The following LGALS8 variants were observed in gnomAD, a reference collection of about 807,000 sequenced individuals.
The protein encoded by LGALS8 is galectin 8.
Under a neutral mutation model 35.9 loss-of-function variants are expected in LGALS8, and 30 were observed. The ratio of observed to expected loss-of-function variants is 0.83; its 90% CI spans 0.62 to 1.13. LGALS8 has a LOEUF of 1.13. LGALS8 is among the 50% of genes most tolerant of loss of function. LGALS8 has a pLI of 0.00. For missense variants in LGALS8, 366 were observed against 388.7 expected, an observed-to-expected ratio of 0.94 and a Z score of 0.49; for synonymous variants, 138 against 136.1, an observed-to-expected ratio of 1.01 and a Z score of -0.10.
intron 3 of LGALS8, among the ~76,000 whole-genome samples, chr1:236,537,875 ATTGT>A (rs1453073214): frequency 2.7e-5 from 4 of 150,120 alleles, no homozygotes; most frequent in African/African-American, 9.8e-5. Context: ...AGGCAGGAGG[ATTGT>A]TTGAGGCCAG....
chr1:236,523,507 C>T (rs1427585539), upstream of LGALS8: 1 of 155,986 alleles, frequency 6.4e-6, no homozygotes, highest in Non-Finnish European at 1.4e-5. Context: ...ACCTGGGCGC[C>T]CCGGGAAGGC....
chr1:236,520,711 C>T (rs1042384232), upstream of LGALS8, among the ~76,000 whole-genome samples: 6 of 152,150 alleles, frequency 3.9e-5, no homozygotes, highest in African/African-American at 1.4e-4. Context: ...CATTTATTGG[C>T]GTTGTCTTAT....
intron 2 of LGALS8, among the ~76,000 whole-genome samples, chr1:236,530,920 T>TA (rs1661106139): frequency 6.6e-6 from 1 of 152,236 alleles, no homozygotes; most frequent in African/African-American, 2.4e-5. Context: ...AATCACTTTT[T>TA]ACTGGTTTTT....
intron 4 of LGALS8, among the ~76,000 whole-genome samples, chr1:236,539,858 TAC>T (rs764987698): frequency 1.5e-3 from 233 of 152,352 alleles, no homozygotes; most frequent in Middle Eastern, 3.4e-3. Flanking sequence ...GCTTTGGCTT[TAC>T]GTGTTTATTT....
At position 236,549,803 on chromosome 1, in the gene LGALS8, A is replaced by G. The variant is rs1457088407; in HGVS notation, c.*1642A>G. On this transcript the variant is annotated 3_prime_UTR_variant, in exon 10 of 10. Transcript: ENST00000366584. The stretch of plus-strand genomic sequence containing the variant: ...ATCATTCCTTGTAAGTCTTAAGTTC[A>G]TTTTCATTTTACGTGGAGGAAAAAA... 1 of 152,166 alleles carries G rather than the reference A, an allele frequency of 6.6e-6. No homozygotes were observed. Among genetic ancestry groups the G allele is most frequent in the East Asian group, 1.9e-4 (1 of 5,200 alleles). 9.4% of individuals were successfully genotyped at this position (152,166 alleles called of 1,614,324 possible). A position where few individuals can be genotyped will look rare whatever the true frequency, so the allele number is the denominator to read the frequency against.
upstream of LGALS8, among the ~76,000 whole-genome samples, chr1:236,522,225 G>A (rs972687699): frequency 1.3e-5 from 2 of 152,100 alleles, no homozygotes; most frequent in Non-Finnish European, 2.9e-5. Flanking sequence ...ACTCAGCCCC[G>A]TTTGCACCTA....
Position 236,547,990 on chromosome 1 carries a change from GGCA to G in LGALS8, c.805-21_805-19del, listed in dbSNP as rs1408378404. ...TTTTAAACTAAGGGGAACCACTAATGGCATGTATCCTTTCCTTTCAGATGATAA... is the reference window on the plus strand; with the variant it reads ...TTTTAAACTAAGGGGAACCACTAATGTGTATCCTTTCCTTTCAGATGATAA... On this transcript the variant is annotated intron_variant, in intron 9 of 9. Transcript: ENST00000366584. 6.3e-7 allele frequency: 1 copy of G among 1,599,294 alleles called. No homozygotes were observed. Among genetic ancestry groups the G allele is most frequent in the Non-Finnish European group, 8.6e-7 (1 of 1,168,032 alleles).
chr1:236,541,997 T>A (rs971400885), intron 6 of LGALS8, among the ~76,000 whole-genome samples: 6 of 152,196 alleles, frequency 3.9e-5, no homozygotes, highest in African/African-American at 1.4e-4. Context: ...ATATTGAACA[T>A]CAGCCAGTGC....
intron 3 of LGALS8, 28 bp downstream of exon 3, chr1:236,537,613 C>A: frequency 1.4e-6 from 2 of 1,427,504 alleles, no homozygotes; most frequent in Non-Finnish European, 2.0e-6. Flanking sequence ...AAGGAAGGAG[C>A]ATGAATAGGC....
chr1:236,525,943 T>C, intron 1 of LGALS8, 25 bp from the exon 2 acceptor site: 1 of 567,764 alleles, frequency 1.8e-6, no homozygotes, highest in Non-Finnish European at 3.1e-6. Context: ...TTACTTTTCT[T>C]TTCCTCTATT....
chr1:236,524,235 C>T lies in LGALS8; in HGVS notation c.-104+174C>T, dbSNP rs949337766. ...CCCGCCGGTCCTCACCGCGGCAGAG[C>T]CGGGGCTGGGTGGCGGGGACGCTGC... is the stretch of plus-strand genomic sequence containing the variant. On this transcript the variant is annotated intron_variant, in intron 1 of 9. Transcript: ENST00000366584. 1.1e-5 allele frequency: 5 copies of T among 455,976 alleles called. No homozygotes were observed. In the Admixed American group the frequency reaches 1.2e-4, roughly 11 times the overall value. The allele number at this position is 455,976 out of a possible 1,614,324, so 28.2% of individuals were successfully genotyped here. A position where few individuals can be genotyped will look rare whatever the true frequency, so the allele number is the denominator to read the frequency against.
intron 3 of LGALS8, among the ~76,000 whole-genome samples, chr1:236,537,889 G>A (rs1361699819): frequency 6.7e-6 from 1 of 150,252 alleles, no homozygotes; most frequent in Non-Finnish European, 1.5e-5. Context: ...TTTGAGGCCA[G>A]GAGTTTGAGA....
At chr1:236,520,559 A>G (rs1453918679), upstream of LGALS8, among the ~76,000 whole-genome samples, 3 of 152,078 alleles carry the variant, frequency 2.0e-5, no homozygotes, top group Non-Finnish European at 4.4e-5. Flanking sequence ...CAGAGTCAGC[A>G]ATGACATCCA....
intron 2 of LGALS8, 112 bp from the exon 3 acceptor site, chr1:236,537,385 G>A (rs1661604909): frequency 4.2e-6 from 3 of 707,210 alleles, no homozygotes; most frequent in African/African-American, 3.5e-5. Context: ...GCAGATTTAT[G>A]TGCAGCCTTA....
intron 2 of LGALS8, among the ~76,000 whole-genome samples, chr1:236,530,265 T>C (rs2103074036): frequency 6.6e-6 from 1 of 152,340 alleles, no homozygotes; most frequent in East Asian, 1.9e-4. Context: ...GTATTCTAAG[T>C]ACTCCTTTTT....
chr1:236,526,344 G>T lies in LGALS8; in HGVS notation c.45+229G>T. 1 of 383,750 alleles carries T rather than the reference G, an allele frequency of 2.6e-6. No homozygotes were observed. The highest frequency in any genetic ancestry group is 7.3e-5 in the South Asian group (1 of 13,674). The allele number at this position is 383,750 out of a possible 1,614,324, so 23.8% of individuals were successfully genotyped here. A position where few individuals can be genotyped will look rare whatever the true frequency, so the allele number is the denominator to read the frequency against. ...GTGATGAAACAGTGTTATGAACAGG[G>T]AACGTCTGGGTAGAGTGGAGGGAAT... On this transcript the variant is annotated intron_variant, in intron 2 of 9. Coordinates refer to ENST00000366584, the MANE Select transcript of LGALS8 (RefSeq NM_201544.4). This position sits in a 1 kb window ranked among gnomAD's most constrained non-coding sequence, Gnocchi z 4.6.
At chr1:236,532,977 G>A (rs1362327515) in intron 2 of LGALS8, among the ~76,000 whole-genome samples, 1 of 152,134 alleles carries the variant, frequency 6.6e-6, no homozygotes, top group African/African-American at 2.4e-5. Flanking sequence ...CATTGCCACT[G>A]ACCTGGAATG....
In LGALS8 at chr1:236,524,070, C is replaced by T. The variant is rs757985653; in HGVS notation, c.-104+9C>T. 8.8e-6 allele frequency: 4 copies of T among 454,508 alleles called. No homozygotes were observed. The highest frequency in any genetic ancestry group is 2.0e-5 in the African/African-American group (1 of 50,002). 28.2% of individuals were successfully genotyped at this position (454,508 alleles called of 1,614,324 possible). A position where few individuals can be genotyped will look rare whatever the true frequency, so the allele number is the denominator to read the frequency against. On this transcript the variant is annotated intron_variant, in intron 1 of 9. Coordinates refer to ENST00000366584, the MANE Select transcript of LGALS8 (RefSeq NM_201544.4). The stretch of plus-strand genomic sequence containing the variant: ...GAAACACCAGTCTTTGGGTGAGTCG[C>T]GCGACCCCCGGCCTCGGGTGGCGGG...
chr1:236,550,607 T>G lies in LGALS8; in HGVS notation c.*2446T>G, dbSNP rs55755029. ...CTTTGGGTGCTAAAATTAACAAGTC[T>G]AATATTATTACCATCAATCAGGAAG... On this transcript the variant is annotated 3_prime_UTR_variant, in exon 10 of 10. Transcript: ENST00000366584. 1.5e-3 allele frequency: 485 copies of G among 314,176 alleles called. 1 individual carries two copies. The highest frequency in any genetic ancestry group is 2.5e-3 in the Non-Finnish European group (437 of 172,476). The allele number at this position is 314,176 out of a possible 1,614,324, so 19.5% of individuals were successfully genotyped here.
Sources: allele counts gnomAD v4.1 joint callset (sites outside exome capture counted in the v4.1 genomes callset), GRCh38; gene constraint gnomAD v4.1.1; non-coding constraint Gnocchi (gnomAD v3.1); transcripts MANE v1.5; gene names NCBI Gene and HGNC (gene_info 2026-07-23, HGNC 2026-07-21).